PLCB1: variants seen among roughly 807,000 people sequenced by gnomAD.
PLCB1 encodes the protein phospholipase C beta 1.
Under a neutral mutation model 161.8 loss-of-function variants are expected in PLCB1, and 46 were observed. That is an observed-to-expected ratio of 0.28 (90% CI 0.22 to 0.36). The LOEUF (loss-of-function observed/expected upper bound fraction) is 0.36, where lower values mean the gene tolerates loss of function less well. Among genes scored for constraint, PLCB1 ranks in the 10% least tolerant of loss-of-function variants. PLCB1 has a pLI of 1.00. For missense variants in PLCB1, 1,016 were observed against 1,472.5 expected (o/e 0.69, Z 5.07); for synonymous variants, 517 against 503.7 (o/e 1.03, Z -0.35).
chr20:8,447,763 A>T (rs1356495838), intron 3 of PLCB1, among the ~76,000 whole-genome samples: 1 of 152,240 alleles, frequency 6.6e-6, no homozygotes, highest in Non-Finnish European at 1.5e-5. Flanking sequence ...AGGCTGGATA[A>T]TCACTATGCG....
chr20:8,289,356 T>C (rs1368493991), intron 2 of PLCB1, among the ~76,000 whole-genome samples: 2 of 152,204 alleles, frequency 1.3e-5, no homozygotes, highest in Non-Finnish European at 2.9e-5. Context: ...GTGGGTCTGA[T>C]GAGGGACCTG....
chr20:8,208,519 G>T (rs1341195293), intron 2 of PLCB1, among the ~76,000 whole-genome samples: 1 of 152,010 alleles, frequency 6.6e-6, no homozygotes, highest in East Asian at 1.9e-4. Flanking sequence ...CTTGTTTATG[G>T]AGTAGGTTTT....
At chr20:8,380,545 A>G (rs1320530020) in intron 3 of PLCB1, among the ~76,000 whole-genome samples, 2 of 152,128 alleles carry the variant, frequency 1.3e-5, no homozygotes, top group South Asian at 2.1e-4. Flanking sequence ...GGCAGTACGG[A>G]CATTTTCATG....
intron 31 of PLCB1, among the ~76,000 whole-genome samples, chr20:8,837,487 G>C (rs565312878): frequency 6.6e-6 from 1 of 152,196 alleles, no homozygotes; most frequent in Admixed American, 6.5e-5. Context: ...ATTTAATTTT[G>C]CAGCTCAGGC....
At chr20:8,366,996 G>A (rs1032463381) in intron 2 of PLCB1, among the ~76,000 whole-genome samples, 14 of 152,182 alleles carry the variant, frequency 9.2e-5, no homozygotes, top group African/African-American at 2.2e-4. Context: ...CAAACAAAAC[G>A]ATTTCAATTG....
At chr20:8,406,361 G>A (rs1448022178) in intron 3 of PLCB1, among the ~76,000 whole-genome samples, 1 of 152,274 alleles carries the variant, frequency 6.6e-6, no homozygotes, top group Admixed American at 6.5e-5. Context: ...AAGGAAAAAT[G>A]GAAGAACATG....
At chr20:8,640,418 GAAC>G (rs1417165667) in intron 4 of PLCB1, among the ~76,000 whole-genome samples, 1 of 152,014 alleles carries the variant, frequency 6.6e-6, no homozygotes, top group Non-Finnish European at 1.5e-5. Flanking sequence ...TTTTTGTAAT[GAAC>G]AACGATATCA....
In PLCB1 at chr20:8,348,016, C is replaced by T. The variant is rs190150246; in HGVS notation, c.178-23366C>T. Among the ~76,000 whole-genome samples the T allele has an allele frequency of 2.8e-4, 42 of 152,116 alleles. No individual in the cohort carries two copies. In the East Asian group the frequency reaches 8.1e-3, roughly 29 times the overall value. On this transcript the variant is annotated intron_variant, in intron 2 of 31. Coordinates refer to ENST00000338037, the MANE Select transcript of PLCB1 (RefSeq NM_015192.4). Reference sequence around the variant, plus strand: ...AAAAGAGCCTGGCTTCTTAAGAAACCAGGTAGTAAGATGGTAAATCATGTA... The same window carrying T: ...AAAAGAGCCTGGCTTCTTAAGAAACTAGGTAGTAAGATGGTAAATCATGTA...
At chr20:8,254,498 T>C (rs1343576829) in intron 2 of PLCB1, among the ~76,000 whole-genome samples, 3 of 151,968 alleles carry the variant, frequency 2.0e-5, no homozygotes, top group African/African-American at 7.2e-5. Context: ...AAGACACTGG[T>C]AACATGAGTG....
At chr20:8,235,642 T>A (rs1600252168) in intron 2 of PLCB1, among the ~76,000 whole-genome samples, 2 of 152,238 alleles carry the variant, frequency 1.3e-5, no homozygotes, top group Non-Finnish European at 2.9e-5. Flanking sequence ...CACTGCTTAA[T>A]AAAATGAATT....
chr20:8,478,078 A>G (rs760568483), intron 3 of PLCB1, among the ~76,000 whole-genome samples: 33 of 152,190 alleles, frequency 2.2e-4, no homozygotes, highest in Non-Finnish European at 3.8e-4. Context: ...TAGATTATTC[A>G]TAGGGAGAGC....
chr20:8,525,317 G>A (rs891824563), intron 3 of PLCB1, among the ~76,000 whole-genome samples: 4 of 151,936 alleles, frequency 2.6e-5, no homozygotes, highest in Admixed American at 6.6e-5. Flanking sequence ...TGGGAGAAAG[G>A]CATGCTATTT....
At chr20:8,438,098 CTT>C (rs1226419657) in intron 3 of PLCB1, among the ~76,000 whole-genome samples, 3 of 151,692 alleles carry the variant, frequency 2.0e-5, no homozygotes, top group Non-Finnish European at 2.9e-5. Context: ...TGTGTTCTAT[CTT>C]ATATATTTGT....
chr20:8,154,760 C>T (rs775461588), intron 2 of PLCB1, among the ~76,000 whole-genome samples: 1 of 152,146 alleles, frequency 6.6e-6, no homozygotes, highest in Non-Finnish European at 1.5e-5. Context: ...ATTTATATCT[C>T]TTGCCCTTGT....
chr20:8,831,912 CTCTTTCTTTCTTTCTTTCTTTCTT>C (rs1188505689), intron 31 of PLCB1, among the ~76,000 whole-genome samples: 6,934 of 58,388 alleles, frequency 0.12, 899 homozygotes, highest in East Asian at 0.22. Context: ...CTCTTTCTTT[CTCTTTCTTTCTTTCTTTCTTTCTT>C]TCTTTCTTTC....
At chr20:8,394,768 C>T (rs1357493331) in intron 3 of PLCB1, among the ~76,000 whole-genome samples, 3 of 152,138 alleles carry the variant, frequency 2.0e-5, no homozygotes, top group Admixed American at 6.6e-5. Flanking sequence ...TTGGTTGCAT[C>T]ATCCATATTC....
intron 2 of PLCB1, among the ~76,000 whole-genome samples, chr20:8,238,729 G>A (rs779319332): frequency 3.9e-5 from 6 of 151,904 alleles, no homozygotes; most frequent in Non-Finnish European, 5.9e-5. Context: ...GCAAAATTGC[G>A]GGAAGTGTTT....
At chr20:8,240,201 C>T (rs1352787747) in intron 2 of PLCB1, among the ~76,000 whole-genome samples, 2 of 151,420 alleles carry the variant, frequency 1.3e-5, no homozygotes, top group Admixed American at 6.6e-5. Flanking sequence ...TTCCTCAACA[C>T]CTCTCAGTCT....
At chr20:8,286,732 A>G (rs925974210) in intron 2 of PLCB1, among the ~76,000 whole-genome samples, 3 of 152,218 alleles carry the variant, frequency 2.0e-5, no homozygotes, top group East Asian at 3.8e-4. Flanking sequence ...CTGTCCTTCA[A>G]TGAAACACAG....
Sources: gnomAD v4.1 joint callset for allele counts (sites outside exome capture counted in the v4.1 genomes callset) on GRCh38, gnomAD v4.1.1 for gene constraint, MANE v1.5 for transcripts, NCBI Gene and HGNC (gene_info 2026-07-23, HGNC 2026-07-21) for gene names.